MYOM2: variants seen among roughly 807,000 people sequenced by gnomAD.
The protein encoded by MYOM2 is myomesin 2.
In MYOM2, 254 loss-of-function variants were observed where a neutral mutation model predicts 187.6. The observed-to-expected ratio is 1.35, with a 90% CI of 1.22 to 1.50. The LOEUF is 1.50. Ranked by LOEUF, MYOM2 falls within the 40% of genes most tolerant of loss-of-function variation. The probability of loss-of-function intolerance (pLI) is 0.00; values close to 1 mark genes in which losing one functional copy is unlikely to be tolerated. For synonymous variants in MYOM2, 981 were observed against 753.8 expected, an observed-to-expected ratio of 1.30 and a Z score of -4.94; for missense variants, 2,796 against 1,924.0, an observed-to-expected ratio of 1.45 and a Z score of -8.48.
At chr8:2,104,280 G>A (rs987778142) in intron 21 of MYOM2, among the ~76,000 whole-genome samples, 2 of 152,168 alleles carry the variant, frequency 1.3e-5, no homozygotes, top group Non-Finnish European at 2.9e-5. Flanking sequence ...TGCTGTAACA[G>A]AACACCGAGG....
intron 27 of MYOM2, 103 bp from the exon 28 acceptor site, chr8:2,117,781 TA>T (rs1797296991): frequency 7.2e-6 from 5 of 693,866 alleles, no homozygotes; most frequent in Non-Finnish European, 1.2e-5. Flanking sequence ...GTATTATATA[TA>T]CACACCATGC....
intron 34 of MYOM2, among the ~76,000 whole-genome samples, chr8:2,141,947 C>T (rs1286075515): frequency 2.0e-5 from 3 of 152,128 alleles, no homozygotes; most frequent in South Asian, 2.1e-4. Flanking sequence ...CCGAAGCTGA[C>T]CGCAGTCCTT....
chr8:2,085,492 C>CACAG (rs1819801012), intron 14 of MYOM2, 102 bp downstream of exon 14: 3 of 1,349,410 alleles, frequency 2.2e-6, no homozygotes, highest in Non-Finnish European at 3.0e-6. Flanking sequence ...CGCGTGGCCC[C>CACAG]TCACTGTTGT....
chr8:2,141,388 A>G (rs1162913880), intron 34 of MYOM2, among the ~76,000 whole-genome samples: 1 of 152,244 alleles, frequency 6.6e-6, no homozygotes, highest in African/African-American at 2.4e-5. Flanking sequence ...GTCCAGAGTC[A>G]TCGGAACCCC....
At position 2,098,976 on chromosome 8, in the gene MYOM2, G is replaced by T; in HGVS notation, c.2433G>T (p.Pro811=). ...EHFKCEAWTM[P]EPGPAYDLTF... The stretch of plus-strand genomic sequence containing the variant: ...TCAAGTGTGAGGCCTGGACCATGCC[G>T]GAGCCCGGTGAGTCGCTGCCCCCAG... Residue 811 remains proline (P), a synonymous_variant, in exon 19 of 37, where the codon CCG becomes CCT. Coordinates refer to ENST00000262113, the MANE Select transcript of MYOM2 (RefSeq NM_003970.4). 1 of 1,602,642 alleles carries T rather than the reference G, an allele frequency of 6.2e-7. No individual in the cohort carries two copies. Among genetic ancestry groups the T allele is most frequent in the Non-Finnish European group, 8.5e-7 (1 of 1,171,920 alleles).
At position 2,126,291 on chromosome 8, in the gene MYOM2, G is replaced by A. The variant is rs368524948; in HGVS notation, c.3694+2074G>A. Among the ~76,000 whole-genome samples the A allele has an allele frequency of 4.6e-5, 7 of 152,220 alleles. 1 individual carries two copies. Among genetic ancestry groups the A allele is most frequent in the African/African-American group, 1.4e-4 (6 of 41,514 alleles). On this transcript the variant is annotated intron_variant, in intron 31 of 36. Transcript: ENST00000262113. The stretch of plus-strand genomic sequence containing the variant: ...CCTTTATTCTCATGGGAAACTGGAC[G>A]CCATGGGCTGGAGTCTCTCCCTGAC...
At chr8:2,089,636 C>A (rs1796225901) in intron 14 of MYOM2, among the ~76,000 whole-genome samples, 1 of 152,174 alleles carries the variant, frequency 6.6e-6, no homozygotes, top group African/African-American at 2.4e-5. Context: ...ATGCGAACCA[C>A]TGAGTTATGA....
At chr8:2,071,159 A>T (rs888434087) in intron 8 of MYOM2, among the ~76,000 whole-genome samples, 30 of 146,906 alleles carry the variant, frequency 2.0e-4, no homozygotes, top group East Asian at 1.8e-3. Context: ...TTTTATTTTT[A>T]TTTTTTTTTG....
intron 17 of MYOM2, 127 bp from the exon 18 acceptor site, chr8:2,096,120 A>T: frequency 1.2e-6 from 1 of 819,200 alleles, no homozygotes; most frequent in South Asian, 1.7e-5. Flanking sequence ...GAGGGATCAG[A>T]GGGCACAGTG....
intron 21 of MYOM2, among the ~76,000 whole-genome samples, chr8:2,103,129 TGG>T (rs1345133530): frequency 5.3e-5 from 8 of 149,544 alleles, no homozygotes; most frequent in South Asian, 4.3e-4. Context: ...TATGGGTGGG[TGG>T]GTGTGTGTGT....
At position 2,145,223 on chromosome 8, in the gene MYOM2, C is replaced by T; in HGVS notation, c.*242C>T. The T allele has an allele frequency of 1.7e-6, 1 of 576,708 alleles. No individual in the cohort carries two copies. The highest frequency in any genetic ancestry group is 3.0e-6 in the Non-Finnish European group (1 of 331,844). The allele number at this position is 576,708 out of a possible 1,614,324, so 35.7% of individuals were successfully genotyped here. ...TTACACGAGGGTAGACGGCAGATGC[C>T]TGACAGAGAGTGGGTTGGCAGACAA... On this transcript the variant is annotated 3_prime_UTR_variant, in exon 37 of 37. Coordinates refer to ENST00000262113, the MANE Select transcript of MYOM2 (RefSeq NM_003970.4).
intron 6 of MYOM2, among the ~76,000 whole-genome samples, chr8:2,064,946 G>C (rs1450074730): frequency 1.3e-5 from 2 of 152,228 alleles, no homozygotes; most frequent in African/African-American, 4.8e-5. Context: ...TGCTTTATAG[G>C]ACTGTAAGGG....
chr8:2,134,578 A>AGAGGGTGATTTTCT (rs72034906), intron 32 of MYOM2, among the ~76,000 whole-genome samples: 19,780 of 152,032 alleles, frequency 0.13, 2,174 homozygotes, highest in African/African-American at 0.28. Context: ...TGAGGGGCTG[A>AGAGGGTGATTTTCT]AGTTCCCTTT....
rs2294062 is a variant in MYOM2, at chr8:2,090,052, G to A, written c.1689G>A (p.Thr563=). The A allele has an allele frequency of 0.048, 77,133 of 1,613,946 alleles. 2,225 individuals are homozygous for A. Among genetic ancestry groups the A allele is most frequent in the East Asian group, 0.11 (5,111 of 44,854 alleles). ...SGSWQRVNAQ[T]AVRSPRYAVF... ...GCTGGCAGAGAGTCAACGCCCAGACGGCTGTGAGATCCCCGAGATATGCCG... is the reference window on the plus strand; with the variant it reads ...GCTGGCAGAGAGTCAACGCCCAGACAGCTGTGAGATCCCCGAGATATGCCG... Residue 563 remains threonine, a synonymous_variant, in exon 15 of 37, where the codon ACG becomes ACA. Transcript: ENST00000262113.
intron 19 of MYOM2, among the ~76,000 whole-genome samples, chr8:2,099,818 A>T (rs1796620336): frequency 6.6e-6 from 1 of 152,208 alleles, no homozygotes; most frequent in South Asian, 2.1e-4. Context: ...ATATGCTCAT[A>T]CTTTGAGAAA....
At chr8:2,136,961 A>G (rs1005677125) in intron 32 of MYOM2, among the ~76,000 whole-genome samples, 1 of 152,116 alleles carries the variant, frequency 6.6e-6, no homozygotes, top group Non-Finnish European at 1.5e-5. Context: ...TGTGGCTGAT[A>G]CGGTGGAAAC....
In MYOM2 at chr8:2,073,629, C is replaced by G. The variant is rs1316129211; in HGVS notation, c.1120+129C>G. 19 of 1,117,560 alleles carry G rather than the reference C, an allele frequency of 1.7e-5. No homozygotes were observed. The Admixed American group carries it at 5.5e-4, about 32-fold the overall frequency. 69.2% of individuals were successfully genotyped at this position (1,117,560 alleles called of 1,614,324 possible). A position where few individuals can be genotyped will look rare whatever the true frequency, so the allele number is the denominator to read the frequency against. On this transcript the variant is annotated intron_variant, in intron 10 of 36. Transcript: ENST00000262113. ...GAGACCACTTTGCTCCTTGGAGACC[C>G]CATGCGGCCCCGATTTTCCCTCAGT...
chr8:2,052,343 G>A (rs1438118585), intron 3 of MYOM2, 30 bp downstream of exon 3: 2 of 1,571,350 alleles, frequency 1.3e-6, no homozygotes, highest in African/African-American at 2.7e-5. Flanking sequence ...GACTCCACTT[G>A]TGCCCTGCGT....
chr8:2,048,929 A>G (rs1469837591), intron 1 of MYOM2, among the ~76,000 whole-genome samples: 4 of 151,782 alleles, frequency 2.6e-5, no homozygotes, highest in African/African-American at 4.8e-5. Context: ...AGCTGGGACT[A>G]CAGGGGACCC....
Sources: gnomAD v4.1 joint callset for allele counts (sites outside exome capture counted in the v4.1 genomes callset) on GRCh38, gnomAD v4.1.1 for gene constraint, MANE v1.5 for transcripts, NCBI Gene and HGNC (gene_info 2026-07-23, HGNC 2026-07-21) for gene names.